The following CACNG6 variants were observed in gnomAD, a reference collection of about 807,000 sequenced individuals.
CACNG6 encodes calcium voltage-gated channel auxiliary subunit gamma 6, also known as voltage-dependent calcium channel gamma-6 subunit.
In CACNG6, 21 loss-of-function variants were observed where a neutral mutation model predicts 23.9. That is an observed-to-expected ratio of 0.88 (90% CI 0.62 to 1.26). The LOEUF (loss-of-function observed/expected upper bound fraction) is 1.26, where lower values mean the gene tolerates loss of function less well. Ranked by LOEUF, CACNG6 falls within the 50% of genes most tolerant of loss-of-function variation. The probability of loss-of-function intolerance (pLI) is 0.00; values close to 1 mark genes in which losing one functional copy is unlikely to be tolerated. For missense variants in CACNG6, 340 were observed against 352.9 expected (o/e 0.96, Z 0.29); for synonymous variants, 182 against 168.9 (o/e 1.08, Z -0.60).
At chr19:54,011,048 C>A (rs1216321045) in intron 3 of CACNG6, among the ~76,000 whole-genome samples, 1 of 151,338 alleles carries the variant, frequency 6.6e-6, no homozygotes, top group African/African-American at 2.4e-5. Flanking sequence ...AAAATCCTCT[C>A]CTCTAGCTCT....
intron 3 of CACNG6, among the ~76,000 whole-genome samples, chr19:54,011,261 G>A (rs890338333): frequency 2.4e-5 from 3 of 126,360 alleles, no homozygotes; most frequent in African/African-American, 6.1e-5. Flanking sequence ...TTAGCCAGGC[G>A]TGGTAGCGCA....
Position 54,005,973 on chromosome 19 carries a change from C to T in CACNG6, c.545-5978C>T, listed in dbSNP as rs1344373304. On this transcript the variant is annotated intron_variant, in intron 3 of 3. Transcript: ENST00000252729. ...GGCGTGGCGGCGGGTGCCTGTAATC[C>T]CAGCAACTCGGGAGGCTGAGGTGGG... Among the ~76,000 whole-genome samples, 3 of 151,124 alleles carry T rather than the reference C, an allele frequency of 2.0e-5. No individual in the cohort carries two copies. In the East Asian group the frequency reaches 5.8e-4, roughly 29 times the overall value.
rs142489178 is a variant in CACNG6, at chr19:54,011,190, TAAAAAAAA to T, written c.545-752_545-745del. Among the ~76,000 whole-genome samples the T allele has an allele frequency of 1.4e-3, 81 of 59,220 alleles. 1 individual carries two copies. Among genetic ancestry groups the T allele is most frequent in the African/African-American group, 6.7e-3 (70 of 10,468 alleles). 38.9% of individuals were successfully genotyped at this position (59,220 alleles called of 152,430 possible). A position where few individuals can be genotyped will look rare whatever the true frequency, so the allele number is the denominator to read the frequency against. On this transcript the variant is annotated intron_variant, in intron 3 of 3. Transcript: ENST00000252729. ...CAACATGGTGAAACCCCGTCTCTAC[TAAAAAAAA>T]AAAAAAAATATATATATATATATAT... is the stretch of plus-strand genomic sequence containing the variant.
chr19:54,004,212 G>A (rs1294495646), intron 3 of CACNG6, among the ~76,000 whole-genome samples: 1 of 151,948 alleles, frequency 6.6e-6, no homozygotes, highest in Non-Finnish European at 1.5e-5. Flanking sequence ...CCAGGCTGGA[G>A]TGCAATGGCA....
At position 53,999,646 on chromosome 19, in the gene CACNG6, C is replaced by A; in HGVS notation, c.419C>A (p.Ala140Glu). Residue 140 changes from alanine (A) to glutamate (E), a missense_variant, in exon 3 of 4, where the codon GCA becomes GAA. By Grantham distance (107) the Ala-to-Glu change is moderately radical (BLOSUM62 -1). Transcript: ENST00000252729. ...QRTTKKEVNL[A>E]AAVIAVLGLA... ...CTCCTGCTGGCAGAGGTGAATCTGG[C>A]AGCTGCGGTGATAGCAGTGCTGGGC... The A allele has an allele frequency of 2.5e-6, 4 of 1,613,608 alleles. No homozygotes were observed. The highest frequency in any genetic ancestry group is 3.4e-6 in the Non-Finnish European group (4 of 1,179,932).
At chr19:53,997,157 A>G (rs2069528782) in intron 1 of CACNG6, among the ~76,000 whole-genome samples, 1 of 152,086 alleles carries the variant, frequency 6.6e-6, no homozygotes, top group South Asian at 2.1e-4. Flanking sequence ...GGTGTGAGCC[A>G]CCTTTCCTGG....
intron 3 of CACNG6, among the ~76,000 whole-genome samples, 186 bp downstream of exon 3, chr19:53,999,957 C>T (rs369734857): frequency 2.6e-5 from 4 of 152,078 alleles, no homozygotes; most frequent in African/African-American, 9.7e-5. Flanking sequence ...GATCTCCACA[C>T]ACTGTTGCAC....
intron 3 of CACNG6, among the ~76,000 whole-genome samples, chr19:54,010,294 G>A (rs561083284): frequency 1.2e-4 from 19 of 152,054 alleles, no homozygotes; most frequent in African/African-American, 3.4e-4. Flanking sequence ...GATTACAGGC[G>A]TGAGTCACTG....
Position 54,011,996 on chromosome 19 carries a change from G to C in CACNG6, c.590G>C (p.Arg197Thr), listed in dbSNP as rs775961001. The C allele has an allele frequency of 2.5e-6, 4 of 1,594,808 alleles. No individual in the cohort carries two copies. The East Asian group carries it at 9.4e-5, about 38-fold the overall frequency. ...CTGGAGGTGTTCCGGCATTCCGTGA[G>C]GGCCCTGCTGCAGAGAGTCAGCCCG... Reference protein sequence around the residue: ...VSLEVFRHSVRALLQRVSPEP... With the variant: ...VSLEVFRHSVTALLQRVSPEP... The change falls in exon 4 of 4, where the codon AGG becomes ACG. Residue 197 changes from arginine (R) to threonine (T), a missense_variant. Coordinates refer to ENST00000252729, the MANE Select transcript of CACNG6 (RefSeq NM_145814.2).
chr19:53,999,778 G>A lies in CACNG6; in HGVS notation c.544+7G>A, dbSNP rs374984904. On this transcript the variant is annotated splice_region_variant and intron_variant, in intron 3 of 3. Coordinates refer to ENST00000252729, the MANE Select transcript of CACNG6 (RefSeq NM_145814.2). ...GTCTGCTTTGGCCTCTCAGGTGAGG[G>A]TTCAGAGCCTGGAGGCTGAGGACAT... The A allele has an allele frequency of 8.7e-6, 14 of 1,613,144 alleles. No individual in the cohort carries two copies. The highest frequency in any genetic ancestry group is 8.5e-6 in the Non-Finnish European group (10 of 1,179,848).
chr19:54,009,651 C>G (rs1600065235), intron 3 of CACNG6, among the ~76,000 whole-genome samples: 1 of 151,826 alleles, frequency 6.6e-6, no homozygotes, highest in Non-Finnish European at 1.5e-5. Flanking sequence ...TTTCTCATGC[C>G]CCCTGCAGGC....
chr19:54,002,057 C>G (rs958742531), intron 3 of CACNG6, among the ~76,000 whole-genome samples: 1 of 151,926 alleles, frequency 6.6e-6, no homozygotes, highest in Admixed American at 6.6e-5. Flanking sequence ...CTTCCCCTCT[C>G]TCTCTTTCCC....
chr19:53,996,072 C>T (rs1468692340), intron 1 of CACNG6, among the ~76,000 whole-genome samples: 2 of 152,256 alleles, frequency 1.3e-5, no homozygotes, highest in Non-Finnish European at 2.9e-5. Context: ...CGCCCGCCCA[C>T]ACCACCTCAC....
In CACNG6 at chr19:54,004,334, TTTGTGTGTGTG is replaced by T. The variant is rs1277463072; in HGVS notation, c.544+4565_544+4575del. Among the ~76,000 whole-genome samples, 133 of 126,538 alleles carry T rather than the reference TTTGTGTGTGTG, an allele frequency of 1.1e-3. 2 individuals are homozygous for T. Among genetic ancestry groups the T allele is most frequent in the African/African-American group, 3.8e-3 (112 of 29,332 alleles). 83.0% of individuals were successfully genotyped at this position (126,538 alleles called of 152,430 possible). A position where few individuals can be genotyped will look rare whatever the true frequency, so the allele number is the denominator to read the frequency against. The stretch of plus-strand genomic sequence containing the variant: ...CACCACGCCTGGTTAATTTTGTATT[TTTGTGTGTGTG>T]TGTGTGTGTGTGTGTGTGTGTGTGT... On this transcript the variant is annotated intron_variant, in intron 3 of 3. Transcript: ENST00000252729.
chr19:53,995,315 C>T (rs1399314690), intron 1 of CACNG6, among the ~76,000 whole-genome samples: 6 of 152,062 alleles, frequency 3.9e-5, no homozygotes, highest in South Asian at 4.2e-4. Context: ...GGGCCATTAA[C>T]GTTATCTTAC....
intron 3 of CACNG6, among the ~76,000 whole-genome samples, chr19:54,004,216 A>T (rs1453427319): frequency 1.3e-5 from 2 of 151,844 alleles, no homozygotes; most frequent in East Asian, 3.9e-4. Flanking sequence ...GCTGGAGTGC[A>T]ATGGCACGAT....
Position 54,012,027 on chromosome 19 carries a change from TC to T in CACNG6, c.626del (p.Pro209ArgfsTer21), listed in dbSNP as rs745648688. ...TGCTGCAGAGAGTCAGCCCGGAGCC[TC>T]CCCCGGCCCCACGCCTCACCTACGA... ...ALLQRVSPEP[P>X]PAPRLTYEYS... On this transcript the variant is annotated frameshift_variant, in exon 4 of 4. Coordinates refer to ENST00000252729, the MANE Select transcript of CACNG6 (RefSeq NM_145814.2). LOFTEE classifies it high-confidence loss of function. 6 of 1,605,224 alleles carry T rather than the reference TC, an allele frequency of 3.7e-6. No individual in the cohort carries two copies. The highest frequency in any genetic ancestry group is 1.7e-5 in the Admixed American group (1 of 58,940).
intron 2 of CACNG6, among the ~76,000 whole-genome samples, chr19:53,999,102 G>A (rs1394607292): frequency 6.6e-6 from 1 of 152,152 alleles, no homozygotes; most frequent in Non-Finnish European, 1.5e-5. Flanking sequence ...CTGATCTCAA[G>A]TGATCCACCC....
intron 3 of CACNG6, among the ~76,000 whole-genome samples, chr19:54,004,069 C>A (rs567069791): frequency 6.6e-6 from 1 of 152,236 alleles, no homozygotes; most frequent in Non-Finnish European, 1.5e-5. Context: ...GTTGCCCAGG[C>A]TAATCTTGAA....
Sources: allele counts gnomAD v4.1 joint callset (sites outside exome capture counted in the v4.1 genomes callset), GRCh38; gene constraint gnomAD v4.1.1; transcripts MANE v1.5; gene names NCBI Gene and HGNC (gene_info 2026-07-23, HGNC 2026-07-21).